The following MBD5 variants were observed in gnomAD, a reference collection of about 807,000 sequenced individuals.
The protein encoded by MBD5 is methyl-CpG binding domain protein 5.
In MBD5, 13 loss-of-function variants were observed where a neutral mutation model predicts 117.3. That is an observed-to-expected ratio of 0.11 (90% CI 0.07 to 0.18). The LOEUF (loss-of-function observed/expected upper bound fraction) is 0.18. Among genes scored for constraint, MBD5 ranks in the 10% least tolerant of loss-of-function variants. The pLI is 1.00. For synonymous variants in MBD5, 727 were observed against 766.4 expected, an observed-to-expected ratio of 0.95 and a Z score of 0.85; for missense variants, 1,879 against 2,093.8, an observed-to-expected ratio of 0.90 and a Z score of 2.00.
At chr2:148,151,235 G>C (rs1697653550) in intron 1 of MBD5, among the ~76,000 whole-genome samples, 2 of 151,966 alleles carry the variant, frequency 1.3e-5, no homozygotes, top group African/African-American at 4.8e-5. Flanking sequence ...TTTATGTGCT[G>C]GATTACATTT....
chr2:148,197,018 CA>C (rs1028532815), intron 2 of MBD5, among the ~76,000 whole-genome samples: 2 of 152,096 alleles, frequency 1.3e-5, no homozygotes, highest in African/African-American at 4.8e-5. Context: ...TTCCAGATCC[CA>C]CATGCTCTTT....
chr2:148,280,015 T>C (rs1255758838), intron 3 of MBD5, among the ~76,000 whole-genome samples: 1 of 151,876 alleles, frequency 6.6e-6, no homozygotes, highest in Non-Finnish European at 1.5e-5. Context: ...TTTTTCCTCC[T>C]TTCATGACAT....
chr2:148,053,392 A>G (rs1414433750), intron 1 of MBD5, among the ~76,000 whole-genome samples: 1 of 152,102 alleles, frequency 6.6e-6, no homozygotes, highest in Admixed American at 6.5e-5. Context: ...AACATGGTAA[A>G]TTTTGAAGCT....
intron 2 of MBD5, among the ~76,000 whole-genome samples, chr2:148,232,222 G>C (rs953993038): frequency 6.6e-6 from 1 of 152,210 alleles, no homozygotes; most frequent in Non-Finnish European, 1.5e-5. Flanking sequence ...TAGGCTTTCA[G>C]AAAGGTAACC....
At chr2:148,181,268 C>T (rs1394089169) in intron 2 of MBD5, among the ~76,000 whole-genome samples, 2 of 152,168 alleles carry the variant, frequency 1.3e-5, no homozygotes, top group East Asian at 3.9e-4. Context: ...ATTTTCACTA[C>T]CCATTTTCCT....
At chr2:148,199,206 A>T (rs901123167) in intron 2 of MBD5, among the ~76,000 whole-genome samples, 1 of 152,120 alleles carries the variant, frequency 6.6e-6, no homozygotes, top group Non-Finnish European at 1.5e-5. Flanking sequence ...AACTGAGTAG[A>T]TGAGGCTCAT....
chr2:148,379,680 C>T (rs1704080953), intron 4 of MBD5, among the ~76,000 whole-genome samples: 1 of 151,806 alleles, frequency 6.6e-6, no homozygotes, highest in Non-Finnish European at 1.5e-5. Flanking sequence ...ATTATCTTAT[C>T]TAGTTTCAGA....
chr2:148,139,349 G>A (rs891834763), intron 1 of MBD5, among the ~76,000 whole-genome samples: 1 of 152,120 alleles, frequency 6.6e-6, no homozygotes, highest in Non-Finnish European at 1.5e-5. Context: ...TGGGATTACA[G>A]GCATGCGCCA....
intron 3 of MBD5, among the ~76,000 whole-genome samples, chr2:148,240,462 C>T (rs1461479193): frequency 2.6e-5 from 4 of 151,614 alleles, no homozygotes; most frequent in African/African-American, 9.7e-5. Flanking sequence ...GTTGCCCAGG[C>T]TGGTCTCGAA....
chr2:148,398,195 T>C (rs940294177), intron 4 of MBD5, among the ~76,000 whole-genome samples: 1 of 152,262 alleles, frequency 6.6e-6, no homozygotes, highest in Admixed American at 6.5e-5. Flanking sequence ...GGTCAAATGG[T>C]ATTTCTAGTT....
chr2:148,466,505 G>GA (rs1707264053), intron 7 of MBD5, among the ~76,000 whole-genome samples: 1 of 152,026 alleles, frequency 6.6e-6, no homozygotes, highest in Non-Finnish European at 1.5e-5. Flanking sequence ...TGATACCCAA[G>GA]AAAAAATGCA....
chr2:148,415,159 A>C (rs983749276), intron 4 of MBD5, among the ~76,000 whole-genome samples: 1 of 152,132 alleles, frequency 6.6e-6, no homozygotes, highest in Non-Finnish European at 1.5e-5. Flanking sequence ...AAGGCAGATG[A>C]GGTGGTAGTG....
chr2:148,447,135 G>A (rs775380681), intron 4 of MBD5, among the ~76,000 whole-genome samples: 69 of 87,430 alleles, frequency 7.9e-4, no homozygotes, highest in Non-Finnish European at 1.8e-3. Context: ...AAAAGAAAGA[G>A]AGAGAGAGAA....
intron 1 of MBD5, among the ~76,000 whole-genome samples, chr2:148,164,253 CAG>C (rs1448895084): frequency 2.6e-5 from 4 of 152,084 alleles, no homozygotes; most frequent in African/African-American, 7.2e-5. Context: ...CTGTTATTAA[CAG>C]GGGAGAGGTT....
At chr2:148,158,553 G>A (rs1268403215) in intron 1 of MBD5, among the ~76,000 whole-genome samples, 3 of 152,136 alleles carry the variant, frequency 2.0e-5, no homozygotes, top group African/African-American at 7.2e-5. Flanking sequence ...TACCAACTTG[G>A]GAGGTTATAC....
intron 1 of MBD5, among the ~76,000 whole-genome samples, chr2:148,174,365 T>C (rs962182095): frequency 3.9e-5 from 6 of 151,984 alleles, no homozygotes; most frequent in African/African-American, 1.5e-4. Flanking sequence ...GAAGAAAACT[T>C]AGGGGGAAAA....
chr2:148,369,468 G>T (rs1357408506), intron 4 of MBD5, among the ~76,000 whole-genome samples: 3 of 152,018 alleles, frequency 2.0e-5, no homozygotes, highest in South Asian at 2.1e-4. Context: ...GGGTAAATTG[G>T]AACATTGCTC....
At chr2:148,245,952 A>G (rs567429168) in intron 3 of MBD5, among the ~76,000 whole-genome samples, 2 of 152,276 alleles carry the variant, frequency 1.3e-5, no homozygotes, top group East Asian at 3.9e-4. Context: ...AGTATAGATG[A>G]AAATATTAAA....
intron 4 of MBD5, among the ~76,000 whole-genome samples, chr2:148,382,849 A>G (rs1704197528): frequency 6.6e-6 from 1 of 152,044 alleles, no homozygotes; most frequent in Non-Finnish European, 1.5e-5. Flanking sequence ...CTGCTCCTGA[A>G]TGACTACTGG....
Sources: gnomAD v4.1 joint callset for allele counts (sites outside exome capture counted in the v4.1 genomes callset) on GRCh38, gnomAD v4.1.1 for gene constraint, MANE v1.5 for transcripts, NCBI Gene and HGNC (gene_info 2026-07-23, HGNC 2026-07-21) for gene names.